The following CRACD variants were observed in gnomAD, a reference collection of about 807,000 sequenced individuals.
The protein encoded by CRACD is capping protein-inhibiting regulator of actin dynamics.
A neutral mutation model predicts 106.8 loss-of-function variants in CRACD; 56 were observed. That is an observed-to-expected ratio of 0.52 (90% CI 0.42 to 0.66). The LOEUF (loss-of-function observed/expected upper bound fraction) is 0.66, where lower values mean the gene tolerates loss of function less well. Among genes scored for constraint, CRACD ranks in the 30% least tolerant of loss-of-function variants. The probability of loss-of-function intolerance (pLI) is 0.00; values close to 1 mark genes in which losing one functional copy is unlikely to be tolerated. For synonymous variants in CRACD, 754 were observed against 670.8 expected (o/e 1.12, Z -1.92); for missense variants, 1,730 against 1,623.2 (o/e 1.07, Z -1.13).
At chr4:56,070,825 T>TGCG (rs1732620513) in intron 1 of CRACD, among the ~76,000 whole-genome samples, 1 of 130,140 alleles carries the variant, frequency 7.7e-6, no homozygotes, top group African/African-American at 2.9e-5. Context: ...GGGTAAATAC[T>TGCG]GCAGGAATGC....
chr4:56,282,173 T>C (rs1197762560), intron 3 of CRACD, among the ~76,000 whole-genome samples: 1 of 152,204 alleles, frequency 6.6e-6, no homozygotes, highest in Non-Finnish European at 1.5e-5. Context: ...GCCCCTGTTG[T>C]CATGGAAACA....
intron 1 of CRACD, among the ~76,000 whole-genome samples, chr4:56,146,657 T>G (rs1735393552): frequency 6.6e-6 from 1 of 151,876 alleles, no homozygotes; most frequent in South Asian, 2.1e-4. Context: ...ATATAGGAAT[T>G]TAATTCATTT....
intron 1 of CRACD, among the ~76,000 whole-genome samples, chr4:56,166,740 A>G (rs1736171894): frequency 1.3e-5 from 2 of 151,992 alleles, no homozygotes; most frequent in South Asian, 4.1e-4. Flanking sequence ...AGTAGCAGCA[A>G]GGACAATTTA....
chr4:56,055,603 T>G (rs1018973328), intron 1 of CRACD, among the ~76,000 whole-genome samples: 20 of 152,206 alleles, frequency 1.3e-4, no homozygotes, highest in African/African-American at 4.6e-4. Flanking sequence ...AGGATTTTTC[T>G]TCATTTTGAA....
At chr4:56,126,258 AT>A (rs1357658452) in intron 1 of CRACD, among the ~76,000 whole-genome samples, 1 of 152,062 alleles carries the variant, frequency 6.6e-6, no homozygotes, top group Non-Finnish European at 1.5e-5. Flanking sequence ...ATCTTTAAGG[AT>A]TTCCACCTTT....
chr4:56,094,666 C>G (rs1239554187), intron 1 of CRACD, among the ~76,000 whole-genome samples: 1 of 152,164 alleles, frequency 6.6e-6, no homozygotes. Context: ...GTTGGCCAGG[C>G]TGGGCTTGAA....
rs538490141 is a variant in CRACD at position 56,090,441 on chromosome 4, AG to A, written c.-336+41144del. 3.2e-3 allele frequency among the ~76,000 whole-genome samples: 487 copies of A among 152,142 alleles called. 1 individual carries two copies. Among genetic ancestry groups the A allele is most frequent in the Non-Finnish European group, 5.4e-3 (370 of 68,004 alleles). ...GAGACAGGATCTCATTCTGTCGCCC[AG>A]GCTGGAGTGCAGTGGCACTATCTTG... is the stretch of plus-strand genomic sequence containing the variant. On this transcript the variant is annotated intron_variant, in intron 1 of 10. Coordinates refer to ENST00000682029, the MANE Select transcript of CRACD (RefSeq NM_001393381.1).
At chr4:56,074,038 C>T (rs1391481483) in intron 1 of CRACD, among the ~76,000 whole-genome samples, 1 of 152,030 alleles carries the variant, frequency 6.6e-6, no homozygotes, top group African/African-American at 2.4e-5. Context: ...TTTCTGAGGG[C>T]TCTGTTCTGT....
intron 1 of CRACD, among the ~76,000 whole-genome samples, chr4:56,069,618 G>A (rs1478623316): frequency 6.6e-6 from 1 of 152,306 alleles, no homozygotes; most frequent in Non-Finnish European, 1.5e-5. Flanking sequence ...AAGGCACTCA[G>A]TTACTTTTGT....
intron 1 of CRACD, among the ~76,000 whole-genome samples, chr4:56,051,988 T>G (rs749236208): frequency 2.0e-5 from 3 of 152,252 alleles, no homozygotes; most frequent in Non-Finnish European, 2.9e-5. Context: ...TAGTACAAAC[T>G]AAGCACTCAG....
chr4:56,163,899 C>T (rs868766526), intron 1 of CRACD, among the ~76,000 whole-genome samples: 1 of 152,066 alleles, frequency 6.6e-6, no homozygotes, highest in Non-Finnish European at 1.5e-5. Context: ...GCCCATGCCA[C>T]CATGCCCAGA....
chr4:56,115,722 G>A (rs1332507514), intron 1 of CRACD, among the ~76,000 whole-genome samples: 1 of 152,196 alleles, frequency 6.6e-6, no homozygotes, highest in Non-Finnish European at 1.5e-5. Flanking sequence ...ATTTTAAGAA[G>A]AGTGAGGAAG....
chr4:56,260,919 A>G (rs866373066), intron 2 of CRACD, among the ~76,000 whole-genome samples: 24 of 149,588 alleles, frequency 1.6e-4, no homozygotes, highest in East Asian at 3.9e-4. Context: ...CCATCCATCC[A>G]TCCGTCCATC....
At chr4:56,158,379 T>C (rs1289283163) in intron 1 of CRACD, among the ~76,000 whole-genome samples, 1 of 151,748 alleles carries the variant, frequency 6.6e-6, no homozygotes, top group Admixed American at 6.6e-5. Context: ...TGTAAATAAA[T>C]TTATGGTATT....
chr4:56,303,337 C>T (rs1177982849), intron 4 of CRACD, among the ~76,000 whole-genome samples: 7 of 148,600 alleles, frequency 4.7e-5, no homozygotes, highest in South Asian at 4.2e-4. Context: ...CAGAGCGAGA[C>T]TCCTTTGTAG....
At chr4:56,226,846 G>C (rs199691585) in intron 2 of CRACD, among the ~76,000 whole-genome samples, 3,333 of 113,908 alleles carry the variant, frequency 0.029, 118 homozygotes, top group African/African-American at 0.086. Flanking sequence ...CTCTCTCTCT[G>C]TGTGTGTCTC....
chr4:56,146,856 T>A (rs1577692468), intron 1 of CRACD, among the ~76,000 whole-genome samples: 1 of 152,088 alleles, frequency 6.6e-6, no homozygotes, highest in East Asian at 1.9e-4. Context: ...AGAAGCAAGG[T>A]GTAGTAAAAG....
intron 4 of CRACD, among the ~76,000 whole-genome samples, chr4:56,305,551 A>G (rs1744640379): frequency 1.3e-5 from 2 of 152,082 alleles, no homozygotes; most frequent in Admixed American, 6.5e-5. Context: ...ACTACCTGCC[A>G]CTTCCTGTTG....
intron 2 of CRACD, among the ~76,000 whole-genome samples, chr4:56,218,544 G>T (rs1037145897): frequency 1.0e-5 from 1 of 97,254 alleles, no homozygotes; most frequent in Non-Finnish European, 1.9e-5. Context: ...CCTTCTCCCC[G>T]CTTCCCTTGC....
Sources: gnomAD v4.1 joint callset for allele counts (sites outside exome capture counted in the v4.1 genomes callset) on GRCh38, gnomAD v4.1.1 for gene constraint, MANE v1.5 for transcripts, NCBI Gene and HGNC (gene_info 2026-07-23, HGNC 2026-07-21) for gene names.